Variants in PLCXD3 observed in about 807,000 individuals in gnomAD.
PLCXD3 encodes the protein phosphatidylinositol specific phospholipase C X domain containing 3.
PLCXD3 carries 19 observed loss-of-function variants against 25.5 expected under a neutral mutation model. That is an observed-to-expected ratio of 0.75 (90% confidence interval 0.52 to 1.09). The LOEUF is 1.09. Among genes scored for constraint, PLCXD3 ranks in the 50% least tolerant of loss-of-function variants. PLCXD3 has a pLI of 0.00. For missense variants in PLCXD3, 411 were observed against 388.1 expected (o/e 1.06, Z -0.50); for synonymous variants, 174 against 137.6 (o/e 1.26, Z -1.85).
intron 1 of PLCXD3, among the ~76,000 whole-genome samples, chr5:41,447,542 G>A (rs1747532576): frequency 6.6e-6 from 1 of 152,216 alleles, no homozygotes; most frequent in Non-Finnish European, 1.5e-5. Context: ...GGCCCTGTTT[G>A]ATAACAGCAT....
chr5:41,453,471 A>G (rs1235926789), intron 1 of PLCXD3, among the ~76,000 whole-genome samples: 8 of 150,856 alleles, frequency 5.3e-5, no homozygotes, highest in Admixed American at 1.3e-4. Flanking sequence ...CTTCTGTTTT[A>G]TGATACAAGA....
chr5:41,508,545 A>G (rs1020850614), intron 1 of PLCXD3, among the ~76,000 whole-genome samples: 1 of 152,222 alleles, frequency 6.6e-6, no homozygotes, highest in African/African-American at 2.4e-5. Context: ...ATGGGGTTTT[A>G]GAAGGATTTT....
intron 2 of PLCXD3, among the ~76,000 whole-genome samples, chr5:41,371,273 G>A (rs1240289580): frequency 6.6e-6 from 1 of 152,096 alleles, no homozygotes; most frequent in Non-Finnish European, 1.5e-5. Context: ...ACATTTTATT[G>A]AAAAACGGGG....
intron 1 of PLCXD3, among the ~76,000 whole-genome samples, chr5:41,438,200 A>G (rs1475271613): frequency 6.6e-6 from 1 of 152,194 alleles, no homozygotes; most frequent in Non-Finnish European, 1.5e-5. Flanking sequence ...TGAGAAGAAA[A>G]TTAAATTGCT....
At chr5:41,418,405 G>C (rs554587650) in intron 1 of PLCXD3, among the ~76,000 whole-genome samples, 7 of 152,226 alleles carry the variant, frequency 4.6e-5, no homozygotes, top group African/African-American at 7.2e-5. Context: ...GTGAGTACTT[G>C]GGTAAGAAAT....
intron 2 of PLCXD3, among the ~76,000 whole-genome samples, chr5:41,363,251 G>T (rs1437728196): frequency 6.6e-6 from 1 of 152,154 alleles, no homozygotes; most frequent in Non-Finnish European, 1.5e-5. Flanking sequence ...CTCTCCCACT[G>T]CAGGGTAACC....
intron 1 of PLCXD3, among the ~76,000 whole-genome samples, chr5:41,507,195 A>G (rs1202077729): frequency 6.6e-6 from 1 of 152,164 alleles, no homozygotes; most frequent in African/African-American, 2.4e-5. Flanking sequence ...CCTAAATTTT[A>G]TACTTTGTCT....
At chr5:41,471,809 TCCCCTCCCG>T (rs1561283146) in intron 1 of PLCXD3, among the ~76,000 whole-genome samples, 65 of 5,916 alleles carry the variant, frequency 0.011, 5 homozygotes, top group African/African-American at 0.022. Flanking sequence ...TCCCTTCCCC[TCCCCTCCCG>T]TCCCCTCCCC....
In PLCXD3 at chr5:41,440,249, T is replaced by TTTTTTTTTTTTTTTTG. The variant is rs751131624; in HGVS notation, c.104-57716_104-57715insCAAAAAAAAAAAAAAA. Among the ~76,000 whole-genome samples the TTTTTTTTTTTTTTTTG allele has an allele frequency of 1.9e-3, 189 of 100,370 alleles. 24 individuals carry two copies. Among genetic ancestry groups the TTTTTTTTTTTTTTTTG allele is most frequent in the Non-Finnish European group, 2.5e-3 (123 of 49,608 alleles). 65.8% of individuals were successfully genotyped at this position (100,370 alleles called of 152,430 possible). On this transcript the variant is annotated intron_variant, in intron 1 of 2. Transcript: ENST00000377801. ...TTTTTTTTTTTTTTTTTTTTTTTTTTTTAGTCAGAGTCTCACTGTGTCACC... is the reference window on the plus strand; with the variant it reads ...TTTTTTTTTTTTTTTTTTTTTTTTTTTTTTTTTTTTTTTTTGTTAGTCAGAGTCTCACTGTGTCACC...
intron 1 of PLCXD3, among the ~76,000 whole-genome samples, chr5:41,428,928 G>A (rs1747030083): frequency 1.3e-5 from 2 of 152,114 alleles, no homozygotes; most frequent in Admixed American, 1.3e-4. Context: ...CTATTTCAAA[G>A]ACTCCCTGAG....
intron 1 of PLCXD3, among the ~76,000 whole-genome samples, chr5:41,424,438 G>A (rs1580366435): frequency 1.3e-5 from 2 of 152,208 alleles, no homozygotes; most frequent in East Asian, 3.9e-4. Flanking sequence ...TACTCGGGAG[G>A]CTGGGGCAGG....
At chr5:41,323,350 A>G (rs1334734379) in intron 2 of PLCXD3, among the ~76,000 whole-genome samples, 1 of 152,190 alleles carries the variant, frequency 6.6e-6, no homozygotes. Context: ...ACATTTTAAA[A>G]TAACTTAAAA....
intron 1 of PLCXD3, among the ~76,000 whole-genome samples, chr5:41,439,632 C>T (rs1321837749): frequency 6.6e-6 from 1 of 152,142 alleles, no homozygotes; most frequent in African/African-American, 2.4e-5. Flanking sequence ...CATCATATAC[C>T]ATTTCAGCTC....
At chr5:41,471,150 T>C (rs1257508438) in intron 1 of PLCXD3, among the ~76,000 whole-genome samples, 1 of 152,192 alleles carries the variant, frequency 6.6e-6, no homozygotes, top group Non-Finnish European at 1.5e-5. Flanking sequence ...TAGTACCCTC[T>C]GCAAGGACAC....
intron 1 of PLCXD3, among the ~76,000 whole-genome samples, chr5:41,445,534 AAG>A (rs1747474295): frequency 6.6e-6 from 1 of 152,222 alleles, no homozygotes; most frequent in South Asian, 2.1e-4. Flanking sequence ...CCTCACTAGG[AAG>A]AGAGGCTTGA....
At chr5:41,436,410 T>G (rs1411843571) in intron 1 of PLCXD3, among the ~76,000 whole-genome samples, 1 of 152,182 alleles carries the variant, frequency 6.6e-6, no homozygotes, top group East Asian at 1.9e-4. Flanking sequence ...AAGCCTTGGT[T>G]GCCTGATCTC....
At chr5:41,369,076 A>C (rs1282611605) in intron 2 of PLCXD3, among the ~76,000 whole-genome samples, 1 of 152,144 alleles carries the variant, frequency 6.6e-6, no homozygotes, top group Non-Finnish European at 1.5e-5. Context: ...AGTGGCAATA[A>C]GTTGTGTGTG....
intron 1 of PLCXD3, among the ~76,000 whole-genome samples, chr5:41,445,156 G>A (rs1747465684): frequency 6.6e-6 from 1 of 152,132 alleles, no homozygotes; most frequent in African/African-American, 2.4e-5. Flanking sequence ...AGTCAACAAG[G>A]GAGAAAGTCA....
intron 1 of PLCXD3, among the ~76,000 whole-genome samples, chr5:41,494,038 T>G (rs752460263): frequency 1.1e-4 from 16 of 152,254 alleles, no homozygotes; most frequent in Non-Finnish European, 2.2e-4. Context: ...TTGCTCACGC[T>G]GGGAGCTGTA....
Sources: allele counts gnomAD v4.1 joint callset (sites outside exome capture counted in the v4.1 genomes callset), GRCh38; gene constraint gnomAD v4.1.1; transcripts MANE v1.5; gene names NCBI Gene and HGNC (gene_info 2026-07-23, HGNC 2026-07-21).